MGAT4C: variants seen among roughly 807,000 people sequenced by gnomAD.
The protein encoded by MGAT4C is MGAT4 family member C.
Under a neutral mutation model 40.1 loss-of-function variants are expected in MGAT4C, and 19 were observed. The observed-to-expected ratio is 0.47, with a 90% CI of 0.33 to 0.70. The LOEUF is 0.70. Among genes scored for constraint, MGAT4C ranks in the 30% least tolerant of loss-of-function variants. The probability of loss-of-function intolerance (pLI) is 0.02; values close to 1 mark genes in which losing one functional copy is unlikely to be tolerated. For synonymous variants in MGAT4C, 181 were observed against 187.1 expected (o/e 0.97, Z 0.27); for missense variants, 491 against 563.2 (o/e 0.87, Z 1.30).
At chr12:86,158,295 C>T (rs954581515) in intron 1 of MGAT4C, among the ~76,000 whole-genome samples, 1 of 151,982 alleles carries the variant, frequency 6.6e-6, no homozygotes, top group African/African-American at 2.4e-5. Context: ...AAAAATATAA[C>T]ATTACAGAAT....
intron 2 of MGAT4C, among the ~76,000 whole-genome samples, chr12:86,713,893 T>G (rs932204027): frequency 1.3e-5 from 2 of 151,186 alleles, no homozygotes; most frequent in Admixed American, 6.6e-5. Flanking sequence ...CTTTAGTTAT[T>G]AATTCATATT....
intron 4 of MGAT4C, among the ~76,000 whole-genome samples, chr12:86,294,687 A>G (rs1953617755): frequency 6.6e-6 from 1 of 152,188 alleles, no homozygotes; most frequent in African/African-American, 2.4e-5. Flanking sequence ...TGGGGGGGAA[A>G]AAAGTTAAAT....
intron 3 of MGAT4C, among the ~76,000 whole-genome samples, chr12:86,394,844 G>C (rs940815532): frequency 2.0e-5 from 3 of 151,534 alleles, no homozygotes; most frequent in Non-Finnish European, 4.4e-5. Flanking sequence ...CTGAACTCCT[G>C]ACCTCAGGTG....
intron 1 of MGAT4C, among the ~76,000 whole-genome samples, chr12:86,213,785 T>C (rs1450578609): frequency 6.6e-6 from 1 of 152,214 alleles, no homozygotes; most frequent in African/African-American, 2.4e-5. Flanking sequence ...GATAGACCCA[T>C]AGTAGAAGTT....
At chr12:86,310,810 G>A (rs1258289457) in intron 4 of MGAT4C, among the ~76,000 whole-genome samples, 1 of 152,134 alleles carries the variant, frequency 6.6e-6, no homozygotes, top group Non-Finnish European at 1.5e-5. Flanking sequence ...TGTAATCCCA[G>A]CTACTCGGGA....
intron 1 of MGAT4C, among the ~76,000 whole-genome samples, chr12:86,803,932 C>T (rs1329728194): frequency 1.2e-4 from 17 of 143,396 alleles, no homozygotes; most frequent in South Asian, 2.3e-4. Flanking sequence ...ACCCAAATGA[C>T]TATAAATCAT....
At chr12:86,314,672 T>C (rs1954158839) in intron 4 of MGAT4C, among the ~76,000 whole-genome samples, 1 of 152,218 alleles carries the variant, frequency 6.6e-6, no homozygotes, top group Non-Finnish European at 1.5e-5. Context: ...CAAAAACCAG[T>C]AGCAGATTCT....
At chr12:86,429,899 G>A (rs1236075824) in intron 3 of MGAT4C, among the ~76,000 whole-genome samples, 1 of 152,068 alleles carries the variant, frequency 6.6e-6, no homozygotes, top group African/African-American at 2.4e-5. Flanking sequence ...CTTTCTGGAA[G>A]TCCTATTATG....
chr12:86,382,455 A>C (rs2136220976), intron 3 of MGAT4C, among the ~76,000 whole-genome samples: 1 of 152,318 alleles, frequency 6.6e-6, no homozygotes, highest in South Asian at 2.1e-4. Context: ...AAGTTCAAAA[A>C]ATTTGCAGCC....
chr12:86,125,897 A>C (rs1880158257), intron 1 of MGAT4C, among the ~76,000 whole-genome samples: 1 of 152,044 alleles, frequency 6.6e-6, no homozygotes, highest in African/African-American at 2.4e-5. Context: ...TTTCTATTGG[A>C]AATCAGAATT....
At chr12:86,451,665 T>G (rs1293937026) in intron 2 of MGAT4C, among the ~76,000 whole-genome samples, 1 of 152,094 alleles carries the variant, frequency 6.6e-6, no homozygotes, top group Non-Finnish European at 1.5e-5. Flanking sequence ...TCCAAAACAC[T>G]GAGTATATAC....
intron 1 of MGAT4C, among the ~76,000 whole-genome samples, chr12:86,098,859 G>T (rs113036992): frequency 6.6e-6 from 1 of 151,366 alleles, no homozygotes; most frequent in Non-Finnish European, 1.5e-5. Context: ...CAAGTGAATA[G>T]CAATTTTCTA....
At chr12:86,132,348 G>A (rs765994703) in intron 1 of MGAT4C, among the ~76,000 whole-genome samples, 5 of 150,404 alleles carry the variant, frequency 3.3e-5, no homozygotes, top group Admixed American at 6.6e-5. Flanking sequence ...AAATTCAACA[G>A]TGTTTAGACG....
intron 2 of MGAT4C, among the ~76,000 whole-genome samples, chr12:86,678,202 A>G (rs1448213434): frequency 6.6e-6 from 1 of 152,044 alleles, no homozygotes; most frequent in Admixed American, 6.6e-5. Flanking sequence ...AACAATAAAC[A>G]AGCTGTTCCT....
At chr12:86,137,976 G>C (rs1882212741) in intron 1 of MGAT4C, among the ~76,000 whole-genome samples, 1 of 152,072 alleles carries the variant, frequency 6.6e-6, no homozygotes, top group African/African-American at 2.4e-5. Context: ...GGCTACAGTT[G>C]GGATTTTCCC....
At chr12:86,221,549 C>T (rs1264201451) in intron 1 of MGAT4C, among the ~76,000 whole-genome samples, 2 of 152,148 alleles carry the variant, frequency 1.3e-5, no homozygotes, top group Admixed American at 6.5e-5. Context: ...CCTAAAGCTG[C>T]CTCTGTACAT....
Position 86,209,916 on chromosome 12 carries a change from T to C in MGAT4C, c.-57+46323A>G, listed in dbSNP as rs902089984. Among the ~76,000 whole-genome samples, 12 of 152,348 alleles carry C rather than the reference T, an allele frequency of 7.9e-5. 1 individual carries two copies. The East Asian group carries it at 2.1e-3, about 27-fold the overall frequency. Reference sequence around the variant, plus strand: ...GGTAAAAGCTTTGGAATACCATTTCTATGCTTTAAAAATAGAAATTATAAT... The same window carrying C: ...GGTAAAAGCTTTGGAATACCATTTCCATGCTTTAAAAATAGAAATTATAAT... On this transcript the variant is annotated intron_variant, in intron 1 of 4. Coordinates refer to ENST00000611864, the MANE Select transcript of MGAT4C (RefSeq NM_001351288.2).
intron 3 of MGAT4C, among the ~76,000 whole-genome samples, chr12:86,367,051 A>G (rs1323305387): frequency 6.6e-6 from 1 of 152,108 alleles, no homozygotes; most frequent in Non-Finnish European, 1.5e-5. Flanking sequence ...AAGTGAAAGT[A>G]TATTTTTATA....
At chr12:86,545,706 A>G (rs941414030) in intron 2 of MGAT4C, among the ~76,000 whole-genome samples, 5 of 151,914 alleles carry the variant, frequency 3.3e-5, no homozygotes, top group African/African-American at 4.8e-5. Context: ...GAAAGTATAA[A>G]TAGTGGAAAG....
Sources: allele counts gnomAD v4.1 joint callset (sites outside exome capture counted in the v4.1 genomes callset), GRCh38; gene constraint gnomAD v4.1.1; transcripts MANE v1.5; gene names NCBI Gene and HGNC (gene_info 2026-07-23, HGNC 2026-07-21).